CAPZA2: variants seen among roughly 807,000 people sequenced by gnomAD.
The protein encoded by CAPZA2 is F-actin-capping protein subunit alpha-2.
CAPZA2 carries 13 observed loss-of-function variants against 44.0 expected under a neutral mutation model. The ratio of observed to expected loss-of-function variants is 0.30; its 90% confidence interval spans 0.19 to 0.47. CAPZA2 has a LOEUF of 0.47. Among genes scored for constraint, CAPZA2 ranks in the 20% least tolerant of loss-of-function variants. The pLI is 1.00. For synonymous variants in CAPZA2, 94 were observed against 108.2 expected (o/e 0.87, Z 0.81); for missense variants, 244 against 338.6 (o/e 0.72, Z 2.19).
chr7:116,882,038 T>A (rs1338166996), intron 1 of CAPZA2, among the ~76,000 whole-genome samples: 2 of 152,202 alleles, frequency 1.3e-5, no homozygotes, highest in Admixed American at 1.3e-4. Flanking sequence ...GTATATACTC[T>A]CAGGGGGCAC....
At chr7:116,869,083 G>A (rs1030331728) in intron 1 of CAPZA2, among the ~76,000 whole-genome samples, 3 of 152,178 alleles carry the variant, frequency 2.0e-5, no homozygotes, top group Non-Finnish European at 4.4e-5. Flanking sequence ...TGAAAAGCAG[G>A]ATGGCAAAAC....
At chr7:116,892,461 G>T (rs775918313) in intron 2 of CAPZA2, among the ~76,000 whole-genome samples, 5 of 152,044 alleles carry the variant, frequency 3.3e-5, no homozygotes, top group Non-Finnish European at 5.9e-5. Flanking sequence ...TCAAAAATAA[G>T]AATAATCCTA....
intron 4 of CAPZA2, 138 bp downstream of exon 4, chr7:116,898,973 G>A: frequency 2.2e-6 from 1 of 452,598 alleles, no homozygotes; most frequent in East Asian, 3.3e-5. Flanking sequence ...AGTAATTGAA[G>A]TTTTACTTTC....
At chr7:116,867,567 A>G (rs890553802) in intron 1 of CAPZA2, among the ~76,000 whole-genome samples, 15 of 147,648 alleles carry the variant, frequency 1.0e-4, no homozygotes, top group African/African-American at 3.5e-4. Context: ...GCTGCATACT[A>G]GTCCATTTCT....
At chr7:116,897,930 C>T (rs1478269156) in intron 3 of CAPZA2, among the ~76,000 whole-genome samples, 1 of 152,082 alleles carries the variant, frequency 6.6e-6, no homozygotes, top group Non-Finnish European at 1.5e-5. Context: ...TTTAGAAGTA[C>T]TTCTGTGTTC....
chr7:116,919,078 TTTTTA>T lies in CAPZA2; in HGVS notation c.*1224_*1228del, dbSNP rs1379473358. 2.6e-5 allele frequency: 4 copies of T among 151,838 alleles called. No individual in the cohort carries two copies. The highest frequency in any genetic ancestry group is 4.4e-5 in the Non-Finnish European group (3 of 67,938). 9.4% of individuals were successfully genotyped at this position (151,838 alleles called of 1,614,324 possible). On this transcript the variant is annotated 3_prime_UTR_variant, in exon 10 of 10. Transcript: ENST00000361183. ...CAGACGTCTGGGCCTGGAAATTTTT[TTTTTA>T]TTTTATTTTATTGTTTTTTTTTTTA...
At chr7:116,893,445 G>A (rs546328380) in intron 3 of CAPZA2, among the ~76,000 whole-genome samples, 65 of 152,136 alleles carry the variant, frequency 4.3e-4, no homozygotes, top group African/African-American at 1.3e-3. Context: ...TGTTTTTAAA[G>A]CACTAATCTC....
At chr7:116,906,120 T>C (rs1298816290) in intron 5 of CAPZA2, 143 bp from the exon 6 acceptor site, 3 of 1,224,962 alleles carry the variant, frequency 2.4e-6, no homozygotes, top group Non-Finnish European at 3.2e-6. Flanking sequence ...TTTTTCTAGC[T>C]ACTATATTGG....
intron 1 of CAPZA2, among the ~76,000 whole-genome samples, chr7:116,868,677 TGA>T (rs1184712903): frequency 6.6e-6 from 1 of 152,164 alleles, no homozygotes; most frequent in Admixed American, 6.5e-5. Context: ...GATGTTGCAG[TGA>T]GCGGTGATCG....
intron 2 of CAPZA2, among the ~76,000 whole-genome samples, chr7:116,892,022 C>T (rs1328605679): frequency 6.6e-6 from 1 of 152,152 alleles, no homozygotes; most frequent in Admixed American, 6.5e-5. Flanking sequence ...CATCTCTCAA[C>T]TAACAAGTAT....
At chr7:116,916,196 A>G in intron 9 of CAPZA2, 74 bp downstream of exon 9, 1 of 1,401,986 alleles carries the variant, frequency 7.1e-7, no homozygotes, top group Non-Finnish European at 9.4e-7. Flanking sequence ...ATTTCAGCCA[A>G]AGGCTGAATT....
intron 1 of CAPZA2, among the ~76,000 whole-genome samples, chr7:116,872,380 G>GTA (rs1796564250): frequency 1.3e-5 from 2 of 152,060 alleles, no homozygotes; most frequent in Non-Finnish European, 2.9e-5. Context: ...TAAATAAATG[G>GTA]TAAAAACATA....
Position 116,917,906 on chromosome 7 carries a change from C to A in CAPZA2, c.*39C>A. 6.4e-7 allele frequency: 1 copy of A among 1,571,694 alleles called. No homozygotes were observed. Among genetic ancestry groups the A allele is most frequent in the South Asian group, 1.1e-5 (1 of 90,032 alleles). ...TGACCGGATCATTTTAGTGTCTTTG[C>A]GTTAAAAAATCATTGCAAAAGTATT... is the stretch of plus-strand genomic sequence containing the variant. On this transcript the variant is annotated 3_prime_UTR_variant, in exon 10 of 10. Coordinates refer to ENST00000361183, the MANE Select transcript of CAPZA2 (RefSeq NM_006136.3).
At chr7:116,901,565 G>T (rs2115952439) in intron 4 of CAPZA2, among the ~76,000 whole-genome samples, 1 of 152,158 alleles carries the variant, frequency 6.6e-6, no homozygotes, top group South Asian at 2.1e-4. Context: ...ATGGGTACTA[G>T]GCTTAATACC....
chr7:116,909,439 T>C (rs1791557683), intron 6 of CAPZA2, among the ~76,000 whole-genome samples: 1 of 152,134 alleles, frequency 6.6e-6, no homozygotes, highest in Admixed American at 6.5e-5. Context: ...AATTCACTGG[T>C]AGACAAAAAG....
chr7:116,885,849 T>C (rs906056612), intron 1 of CAPZA2, among the ~76,000 whole-genome samples: 1 of 152,156 alleles, frequency 6.6e-6, no homozygotes, highest in African/African-American at 2.4e-5. Context: ...TATGGGTTTT[T>C]ATGGAGGCAT....
Position 116,920,501 on chromosome 7 carries a change from A to G in CAPZA2, c.*2634A>G, listed in dbSNP as rs949608855. The G allele has an allele frequency of 6.6e-6, 1 of 152,306 alleles. No individual in the cohort carries two copies. The highest frequency in any genetic ancestry group is 1.5e-5 in the Non-Finnish European group (1 of 68,170). 9.4% of individuals were successfully genotyped at this position (152,306 alleles called of 1,614,324 possible). On this transcript the variant is annotated 3_prime_UTR_variant, in exon 10 of 10. Coordinates refer to ENST00000361183, the MANE Select transcript of CAPZA2 (RefSeq NM_006136.3). ...TGGTATAAAGCAGTGAGGTCTAGGTATATCCTAAAGGTAAAATCAGCAAGA... is the reference window on the plus strand; with the variant it reads ...TGGTATAAAGCAGTGAGGTCTAGGTGTATCCTAAAGGTAAAATCAGCAAGA...
chr7:116,862,734 A>G, intron 1 of CAPZA2, 84 bp downstream of exon 1: 2 of 1,426,170 alleles, frequency 1.4e-6, no homozygotes, highest in East Asian at 2.9e-5. Context: ...TCGCGGGGGA[A>G]GGGCATTGGC....
At chr7:116,865,227 G>T (rs541664634) in intron 1 of CAPZA2, among the ~76,000 whole-genome samples, 1 of 115,624 alleles carries the variant, frequency 8.6e-6, no homozygotes, top group African/African-American at 3.4e-5. Flanking sequence ...ACTCTGTCAC[G>T]CAGGCTGGAG....
Sources: allele counts gnomAD v4.1 joint callset (sites outside exome capture counted in the v4.1 genomes callset), GRCh38; gene constraint gnomAD v4.1.1; transcripts MANE v1.5; gene names NCBI Gene and HGNC (gene_info 2026-07-23, HGNC 2026-07-21).